The following ANKRD36 variants were observed in gnomAD, a reference collection of about 807,000 sequenced individuals.
ANKRD36 encodes the protein ankyrin repeat domain 36, also known as ankyrin repeat domain-containing protein 36A.
A neutral mutation model predicts 278.1 loss-of-function variants in ANKRD36; 179 were observed. The ratio of observed to expected loss-of-function variants is 0.64; its 90% CI spans 0.57 to 0.73. The LOEUF is 0.73. ANKRD36 is among the 30% of genes least tolerant of loss of function. The pLI is 0.00. For missense variants in ANKRD36, 1,159 were observed against 1,956.7 expected (o/e 0.59, Z 7.69); for synonymous variants, 320 against 641.1 (o/e 0.50, Z 7.57).
At chr2:97,154,898 G>A (rs2047076112) in intron 15 of ANKRD36, among the ~76,000 whole-genome samples, 157 bp downstream of exon 15, 1 of 144,644 alleles carries the variant, frequency 6.9e-6, no homozygotes, top group Admixed American at 6.9e-5. Context: ...AGAAATAGGG[G>A]GGGTTAATTT....
At chr2:97,136,578 G>A (rs2153438267) in intron 6 of ANKRD36, among the ~76,000 whole-genome samples, 1 of 151,940 alleles carries the variant, frequency 6.6e-6, no homozygotes, top group East Asian at 1.9e-4. Context: ...CAATCCCCAA[G>A]TAGGTAGTGC....
Position 97,245,836 on chromosome 2 carries a change from AAAAAC to A in ANKRD36, c.5176_5180del (p.Gln1726TyrfsTer9), listed in dbSNP as rs1233984086. The A allele has an allele frequency of 9.3e-5, 48 of 518,698 alleles. No individual in the cohort carries two copies. Among genetic ancestry groups the A allele is most frequent in the Non-Finnish European group, 1.4e-4 (47 of 331,034 alleles). The allele number at this position is 518,698 out of a possible 1,614,324, so 32.1% of individuals were successfully genotyped here. ...AAACAGGAAAGATTTTGTCAACTAA[AAAAAC>A]AAAATATGTTGCTTCAACAGCAACT... On this transcript the variant is annotated frameshift_variant, in exon 71 of 76. Transcript: ENST00000420699. LOFTEE classifies it high-confidence loss of function.
chr2:97,202,887 T>C (rs1310668738), intron 48 of ANKRD36, among the ~76,000 whole-genome samples: 6 of 151,788 alleles, frequency 4.0e-5, no homozygotes, highest in Non-Finnish European at 7.4e-5. Flanking sequence ...GGAAGTCATT[T>C]GTATAATTTT....
chr2:97,179,834 G>C (rs1477025720), intron 23 of ANKRD36, 27 bp from the exon 24 acceptor site: 2 of 1,601,940 alleles, frequency 1.2e-6, no homozygotes, highest in Non-Finnish European at 1.7e-6. Flanking sequence ...TTTACATATT[G>C]ATTATTTTGC....
At chr2:97,171,955 T>G in intron 22 of ANKRD36, among the ~76,000 whole-genome samples, 1 of 152,038 alleles carries the variant, frequency 6.6e-6, no homozygotes, top group Non-Finnish European at 1.5e-5. Context: ...CAGTTTTATT[T>G]GGGAGTGTGC....
intron 6 of ANKRD36, among the ~76,000 whole-genome samples, chr2:97,129,824 G>T (rs2039603721): frequency 6.6e-6 from 1 of 151,970 alleles, no homozygotes; most frequent in South Asian, 2.1e-4. Context: ...TGTTCCATTG[G>T]TCTGTATCTC....
In ANKRD36 at chr2:97,124,609, C is replaced by T. The variant is rs768626361; in HGVS notation, c.731+12C>T. The T allele has an allele frequency of 2.6e-6, 4 of 1,544,582 alleles. No individual in the cohort carries two copies. Among genetic ancestry groups the T allele is most frequent in the Non-Finnish European group, 2.6e-6 (3 of 1,144,652 alleles). ...GCTAAGAATAGAGTGTAAGTCTTTACATAAAAAGGCTAGTGAACACTAAAT... is the reference window on the plus strand; with the variant it reads ...GCTAAGAATAGAGTGTAAGTCTTTATATAAAAAGGCTAGTGAACACTAAAT... On this transcript the variant is annotated intron_variant, in intron 5 of 75. Transcript: ENST00000420699.
chr2:97,175,006 T>C (rs1309766006), intron 22 of ANKRD36, among the ~76,000 whole-genome samples: 1 of 144,354 alleles, frequency 6.9e-6, no homozygotes. Context: ...AGCTTTTTGA[T>C]GTGCTGCTGG....
At chr2:97,162,291 T>G (rs376407582) in intron 18 of ANKRD36, among the ~76,000 whole-genome samples, 153 bp downstream of exon 18, 85 of 124,944 alleles carry the variant, frequency 6.8e-4, no homozygotes, top group South Asian at 2.7e-3. Flanking sequence ...ATAACTAATT[T>G]AAATATAATT....
intron 46 of ANKRD36, among the ~76,000 whole-genome samples, chr2:97,200,949 C>T (rs532538521): frequency 6.6e-6 from 1 of 151,880 alleles, no homozygotes; most frequent in Non-Finnish European, 1.5e-5. Flanking sequence ...GAGAAGACCC[C>T]TGATGTAGCA....
chr2:97,257,961 AC>A (rs2076360347), intron 75 of ANKRD36, among the ~76,000 whole-genome samples: 1 of 107,598 alleles, frequency 9.3e-6, no homozygotes, highest in Non-Finnish European at 1.8e-5. Context: ...GTCAAAACTT[AC>A]CCTTTTAGTT....
In ANKRD36 at chr2:97,113,317, C is replaced by A. The variant is rs937020809; in HGVS notation, c.-423C>A. On this transcript the variant is annotated 5_prime_UTR_variant, in exon 1 of 76. Coordinates refer to ENST00000420699, the MANE Select transcript of ANKRD36 (RefSeq NM_001354587.1). Reference sequence around the variant, plus strand: ...AGCGGTGGCACCAGGCGGAGAAGCACCACTCAACCCCATCCCTGGGCTGCA... The same window carrying A: ...AGCGGTGGCACCAGGCGGAGAAGCAACACTCAACCCCATCCCTGGGCTGCA... Among the ~76,000 whole-genome samples, 1 of 152,152 alleles carries A rather than the reference C, an allele frequency of 6.6e-6. No homozygotes were observed. The highest frequency in any genetic ancestry group is 1.5e-5 in the Non-Finnish European group (1 of 68,024).
rs190639122 is a variant in ANKRD36, at chr2:97,209,139, A to T, written c.3266-542A>T. On this transcript the variant is annotated intron_variant, in intron 54 of 75. Transcript: ENST00000420699. Reference sequence around the variant, plus strand: ...GAATATTATCTACTAGGTATCAGCAAACAGATATCCAAGGTGATCAATTCA... The same window carrying T: ...GAATATTATCTACTAGGTATCAGCATACAGATATCCAAGGTGATCAATTCA... 1.0e-3 allele frequency among the ~76,000 whole-genome samples: 153 copies of T among 146,722 alleles called. No homozygotes were observed. In the East Asian group the frequency reaches 0.012, roughly 11 times the overall value.
At chr2:97,182,262 G>T (rs2056434439) in intron 26 of ANKRD36, among the ~76,000 whole-genome samples, 1 of 87,194 alleles carries the variant, frequency 1.1e-5, no homozygotes, top group Non-Finnish European at 3.9e-5. Flanking sequence ...CAGGAAGGAG[G>T]GAAAATAAGT....
At chr2:97,182,984 G>A (rs2056602880) in intron 26 of ANKRD36, among the ~76,000 whole-genome samples, 1 of 151,608 alleles carries the variant, frequency 6.6e-6, no homozygotes, top group Admixed American at 6.6e-5. Flanking sequence ...CTACTAAAGT[G>A]TCATTGTCAT....
At chr2:97,172,174 C>T (rs2924021) in intron 22 of ANKRD36, among the ~76,000 whole-genome samples, 91,125 of 151,544 alleles carry the variant, frequency 0.6, 31,242 homozygotes, top group Non-Finnish European at 0.79. Flanking sequence ...TCTTACAACA[C>T]ATGTGCACAT....
intron 56 of ANKRD36, among the ~76,000 whole-genome samples, chr2:97,210,339 A>C (rs1349769573): frequency 6.6e-6 from 1 of 151,848 alleles, no homozygotes; most frequent in Admixed American, 6.6e-5. Flanking sequence ...ATTGTGAGGC[A>C]GGAAGGCGGA....
At chr2:97,146,356 A>G (rs866722875) in intron 10 of ANKRD36, 130 bp from the exon 11 acceptor site, 2 of 653,602 alleles carry the variant, frequency 3.1e-6, no homozygotes, top group South Asian at 2.9e-5. Flanking sequence ...GGGCTTCTCA[A>G]GTGATATTTC....
chr2:97,125,601 C>A (rs1240082820), intron 5 of ANKRD36, among the ~76,000 whole-genome samples: 1 of 151,040 alleles, frequency 6.6e-6, no homozygotes, highest in East Asian at 1.9e-4. Flanking sequence ...TACCCTGAGA[C>A]TTTTTATATA....
Sources: gnomAD v4.1 joint callset for allele counts (sites outside exome capture counted in the v4.1 genomes callset) on GRCh38, gnomAD v4.1.1 for gene constraint, MANE v1.5 for transcripts, NCBI Gene and HGNC (gene_info 2026-07-23, HGNC 2026-07-21) for gene names.